The following DST variants were observed in gnomAD, a reference collection of about 807,000 sequenced individuals.
DST encodes bullous pemphigoid antigen.
A neutral mutation model predicts 875.2 loss-of-function variants in DST; 253 were observed. The ratio of observed to expected loss-of-function variants is 0.29; its 90% CI spans 0.26 to 0.32. DST has a LOEUF of 0.32. Among genes scored for constraint, DST ranks in the 10% least tolerant of loss-of-function variants. The probability of loss-of-function intolerance (pLI) is 1.00; values close to 1 mark genes in which losing one functional copy is unlikely to be tolerated. For missense variants in DST, 8,287 were observed against 9,111.6 expected, an observed-to-expected ratio of 0.91 and a Z score of 3.68; for synonymous variants, 3,124 against 3,197.1, an observed-to-expected ratio of 0.98 and a Z score of 0.77.
intron 4 of DST, among the ~76,000 whole-genome samples, chr6:56,802,712 C>A (rs776006372): frequency 1.2e-4 from 18 of 152,074 alleles, no homozygotes; most frequent in Non-Finnish European, 1.8e-4. Context: ...CCATTGATAT[C>A]CATGGGAGCC....
At chr6:56,507,512 T>C (rs1325972562) in intron 75 of DST, among the ~76,000 whole-genome samples, 1 of 152,206 alleles carries the variant, frequency 6.6e-6, no homozygotes, top group Non-Finnish European at 1.5e-5. Context: ...GGAACACAGA[T>C]GCACTAACTC....
Position 56,900,661 on chromosome 6 carries a change from T to C in DST, c.217-40A>G, listed in dbSNP as rs987962543. 6 of 1,346,604 alleles carry C rather than the reference T, an allele frequency of 4.5e-6. No homozygotes were observed. The Admixed American group carries it at 9.9e-5, about 22-fold the overall frequency. 83.4% of individuals were successfully genotyped at this position (1,346,604 alleles called of 1,614,324 possible). On this transcript the variant is annotated intron_variant, in intron 2 of 103. Coordinates refer to ENST00000680361, the MANE Select transcript of DST (RefSeq NM_001374736.1). ...ACAACCAAGCAAATCCAGATTTGTA[T>C]TGAGTTAGTCTGGAAGTTCTCCATG... is the stretch of plus-strand genomic sequence containing the variant.
At chr6:56,647,688 G>GTTGTTT (rs1491402943) in intron 13 of DST, among the ~76,000 whole-genome samples, 2 of 126,886 alleles carry the variant, frequency 1.6e-5, no homozygotes, top group Admixed American at 1.5e-4. Flanking sequence ...TTTTTGTAAT[G>GTTGTTT]TTTTTTTTTT....
intron 4 of DST, among the ~76,000 whole-genome samples, chr6:56,842,083 AT>A (rs34334015): frequency 3.3e-5 from 5 of 151,696 alleles, no homozygotes; most frequent in Admixed American, 6.6e-5. Flanking sequence ...GTTTAGTTCA[AT>A]TTTTTTTTAT....
In DST at chr6:56,515,085, C is replaced by G. The variant is rs558123679; in HGVS notation, c.18576+365G>C. Among the ~76,000 whole-genome samples, 5 of 152,286 alleles carry G rather than the reference C, an allele frequency of 3.3e-5. No individual in the cohort carries two copies. In the South Asian group the frequency reaches 1.0e-3, roughly 32 times the overall value. ...ATAATGGTTCTCCCATATATTTCCA[C>G]TCTGCATTTACATTCTAAATGTATA... On this transcript the variant is annotated intron_variant, in intron 72 of 103. Transcript: ENST00000680361.
intron 4 of DST, among the ~76,000 whole-genome samples, chr6:56,784,675 C>T (rs1188485419): frequency 1.3e-5 from 2 of 152,146 alleles, no homozygotes; most frequent in Admixed American, 6.6e-5. Context: ...TTTGAATTTC[C>T]TCCTGTAGCT....
chr6:56,573,988 T>G (rs2097821888), intron 50 of DST, 101 bp from the exon 51 acceptor site: 1 of 825,170 alleles, frequency 1.2e-6, no homozygotes, highest in African/African-American at 1.7e-5. Context: ...ACACAAAAAA[T>G]TTAAAAAATA....
intron 4 of DST, among the ~76,000 whole-genome samples, chr6:56,739,079 A>C (rs1031337968): frequency 3.4e-5 from 5 of 149,230 alleles, no homozygotes; most frequent in African/African-American, 7.5e-5. Context: ...GGCATCATCT[A>C]TACCTCATTC....
intron 3 of DST, among the ~76,000 whole-genome samples, chr6:56,890,082 T>C (rs1479410426): frequency 6.6e-6 from 1 of 150,648 alleles, no homozygotes; most frequent in Non-Finnish European, 1.5e-5. Context: ...AGAATTGTAA[T>C]CATGGGGAGT....
intron 4 of DST, among the ~76,000 whole-genome samples, chr6:56,812,111 AAAGAAAAGAAAAG>A (rs1376319810): frequency 5.0e-4 from 50 of 100,948 alleles, no homozygotes; most frequent in African/African-American, 1.3e-3. Context: ...CAAAAAAAAA[AAAGAAAAGAAAAG>A]AAAAGAAAAG....
Position 56,605,946 on chromosome 6 carries a change from G to A in DST, c.8682C>T (p.Asn2894=), listed in dbSNP as rs757468138. The change falls in exon 40 of 104, where the codon AAC becomes AAT. Residue 2894 remains asparagine (N), a synonymous_variant. Transcript: ENST00000680361. ...CAATCTCAGTTGTATATTCTGGAAGGTTGCTTTTTTCAGTAACTAAGTTAT... is the reference window on the plus strand; with the variant it reads ...CAATCTCAGTTGTATATTCTGGAAGATTGCTTTTTTCAGTAACTAAGTTAT... ...SENNLVTEKS[N]LPEYTTEIAG... is the part of the protein sequence containing the mutation. 1 of 1,612,666 alleles carries A rather than the reference G, an allele frequency of 6.2e-7. No homozygotes were observed. The highest frequency in any genetic ancestry group is 8.5e-7 in the Non-Finnish European group (1 of 1,179,428).
rs1587536530 is a variant in DST, at chr6:56,640,704, A to G, written c.2028-99T>C. The stretch of plus-strand genomic sequence containing the variant: ...TATAGGTTTTAGTTAATAATGATGT[A>G]TCAATGTTGGCTTATCAGTTTTAGC... On this transcript the variant is annotated intron_variant, in intron 17 of 103. Coordinates refer to ENST00000680361, the MANE Select transcript of DST (RefSeq NM_001374736.1). 3 of 967,422 alleles carry G rather than the reference A, an allele frequency of 3.1e-6. No individual in the cohort carries two copies. In the East Asian group the frequency reaches 7.5e-5, roughly 24 times the overall value. The allele number at this position is 967,422 out of a possible 1,614,324, so 59.9% of individuals were successfully genotyped here.
intron 4 of DST, among the ~76,000 whole-genome samples, chr6:56,775,305 G>A (rs1415440401): frequency 6.6e-6 from 1 of 152,082 alleles, no homozygotes; most frequent in Non-Finnish European, 1.5e-5. Flanking sequence ...CATAGCCAAC[G>A]TCATTACTAT....
At chr6:56,941,719 G>A (rs1816696661) in intron 2 of DST, among the ~76,000 whole-genome samples, 1 of 152,184 alleles carries the variant, frequency 6.6e-6, no homozygotes, top group Admixed American at 6.5e-5. Context: ...GGGCTCAAAT[G>A]ATCCTACTAC....
chr6:56,462,745 A>G (rs951106992), intron 102 of DST, among the ~76,000 whole-genome samples: 2 of 152,144 alleles, frequency 1.3e-5, no homozygotes, highest in Admixed American at 6.5e-5. Context: ...AACCTACTCT[A>G]TGTTACTCTC....
chr6:56,542,955 G>C (rs1297664733), intron 61 of DST: 1 of 152,338 alleles, frequency 6.6e-6, no homozygotes, highest in Non-Finnish European at 1.5e-5. Context: ...CCTCGAAGCC[G>C]AGAGGCTGCA....
intron 3 of DST, among the ~76,000 whole-genome samples, chr6:56,896,739 G>A (rs1413951344): frequency 6.6e-6 from 1 of 152,202 alleles, no homozygotes; most frequent in Non-Finnish European, 1.5e-5. Flanking sequence ...TCCTATGTCT[G>A]TTGGCCATTT....
rs147315317 is a variant in DST, at chr6:56,462,527, C to T, written c.23070+519G>A. 1.2e-4 allele frequency among the ~76,000 whole-genome samples: 19 copies of T among 152,258 alleles called. No individual in the cohort carries two copies. The East Asian group carries it at 3.3e-3, about 26-fold the overall frequency. ...ATACTGAGAGCTTATGTCACACCTG[C>T]CCAAAGTTTTGGGGCAGGTATAAAT... On this transcript the variant is annotated intron_variant, in intron 102 of 103. Transcript: ENST00000680361.
At chr6:56,559,972 T>C (rs755477867) in intron 58 of DST, among the ~76,000 whole-genome samples, 36 of 151,958 alleles carry the variant, frequency 2.4e-4, no homozygotes, top group Non-Finnish European at 4.3e-4. Flanking sequence ...TAAAAATATA[T>C]AAAGCATAAT....
Sources: allele counts gnomAD v4.1 joint callset (sites outside exome capture counted in the v4.1 genomes callset), GRCh38; gene constraint gnomAD v4.1.1; transcripts MANE v1.5; gene names NCBI Gene and HGNC (gene_info 2026-07-23, HGNC 2026-07-21).